The following GRHL2 variants were observed in gnomAD, a reference collection of about 807,000 sequenced individuals.
GRHL2 encodes the protein grainyhead like transcription factor 2, also known as grainyhead-like protein 2 homolog.
In GRHL2, 21 loss-of-function variants were observed where a neutral mutation model predicts 83.8. The ratio of observed to expected loss-of-function variants is 0.25; its 90% CI spans 0.18 to 0.36. The LOEUF is 0.36. Among genes scored for constraint, GRHL2 ranks in the 10% least tolerant of loss-of-function variants. The pLI, the probability that GRHL2 is intolerant of heterozygous loss-of-function variation, is 1.00. For missense variants in GRHL2, 623 were observed against 781.8 expected (o/e 0.80, Z 2.42); for synonymous variants, 280 against 278.9 (o/e 1.00, Z -0.04).
intron 14 of GRHL2, among the ~76,000 whole-genome samples, chr8:101,652,600 GGTGTGTGTGTGTGGT>G (rs1238104184): frequency 5.6e-5 from 4 of 71,610 alleles, no homozygotes; most frequent in African/African-American, 4.5e-4. Context: ...GTGTGTGTGT[GGTGTGTGTGTGTGGT>G]GTGTGTGTGT....
At chr8:101,589,146 G>A (rs558783560) in intron 7 of GRHL2, among the ~76,000 whole-genome samples, 1 of 152,318 alleles carries the variant, frequency 6.6e-6, no homozygotes, top group South Asian at 2.1e-4. Flanking sequence ...ACTGGCATAT[G>A]CTTGAGTAGT....
chr8:101,570,432 A>T, intron 5 of GRHL2, 38 bp downstream of exon 5: 2 of 1,496,624 alleles, frequency 1.3e-6, no homozygotes, highest in Non-Finnish European at 1.9e-6. Context: ...AAACTGATTA[A>T]CTGATAAACC....
chr8:101,653,817 A>G (rs1256484752), intron 14 of GRHL2, among the ~76,000 whole-genome samples: 1 of 152,144 alleles, frequency 6.6e-6, no homozygotes, highest in Non-Finnish European at 1.5e-5. Context: ...CTATAGGGGT[A>G]GGCCCGGGAA....
chr8:101,543,593 C>A lies in GRHL2; in HGVS notation c.216+157C>A, dbSNP rs1226343526. On this transcript the variant is annotated intron_variant, in intron 2 of 15. Transcript: ENST00000646743. The stretch of plus-strand genomic sequence containing the variant: ...CTCTTCCTGTTCTCCTTGCTCCCTG[C>A]TTCCCCATCTACAAAGCTCAACTTT... The A allele has an allele frequency of 4.2e-6, 3 of 719,748 alleles. No homozygotes were observed. The Admixed American group carries it at 6.1e-5, about 15-fold the overall frequency. 44.6% of individuals were successfully genotyped at this position (719,748 alleles called of 1,614,324 possible).
chr8:101,675,983 A>G, the GRHL2 span, among the ~76,000 whole-genome samples: 42 of 152,162 alleles, frequency 2.8e-4, no homozygotes, highest in Non-Finnish European at 1.3e-4. Context: ...TTAACAAATG[A>G]TGCTGGGAAA....
At chr8:101,498,815 C>T (rs536071159) in intron 1 of GRHL2, among the ~76,000 whole-genome samples, 1 of 152,128 alleles carries the variant, frequency 6.6e-6, no homozygotes, top group African/African-American at 2.4e-5. Flanking sequence ...GTGGCTCATG[C>T]CTGTAATCCT....
chr8:101,621,173 C>A (rs1432109502), intron 9 of GRHL2, among the ~76,000 whole-genome samples: 1 of 152,134 alleles, frequency 6.6e-6, no homozygotes, highest in Admixed American at 6.5e-5. Flanking sequence ...AAAGAAAAAG[C>A]AGTTGAATCC....
At chr8:101,641,198 T>G (rs1412638350) in intron 12 of GRHL2, among the ~76,000 whole-genome samples, 1 of 152,198 alleles carries the variant, frequency 6.6e-6, no homozygotes, top group Non-Finnish European at 1.5e-5. Context: ...AAAATCATTT[T>G]GGGCTAAGTT....
At chr8:101,511,460 G>A (rs917753883) in intron 1 of GRHL2, among the ~76,000 whole-genome samples, 2 of 152,100 alleles carry the variant, frequency 1.3e-5, no homozygotes, top group Non-Finnish European at 2.9e-5. Context: ...CTCAAGCGAC[G>A]CCTCAGGCTC....
At chr8:101,540,288 C>T (rs955985993) in intron 1 of GRHL2, among the ~76,000 whole-genome samples, 8 of 152,104 alleles carry the variant, frequency 5.3e-5, no homozygotes, top group African/African-American at 7.2e-5. Flanking sequence ...AGAAAGTGAA[C>T]GTTAGACATT....
At chr8:101,550,159 C>T (rs1811348723) in intron 2 of GRHL2, among the ~76,000 whole-genome samples, 1 of 131,784 alleles carries the variant, frequency 7.6e-6, no homozygotes, top group Admixed American at 7.8e-5. Context: ...ACTTTAAGTT[C>T]TGGGATACAT....
intron 1 of GRHL2, among the ~76,000 whole-genome samples, chr8:101,500,290 G>A (rs948465902): frequency 3.9e-5 from 6 of 152,108 alleles, no homozygotes; most frequent in East Asian, 1.9e-4. Flanking sequence ...ATGTACCTGG[G>A]AGTCCCTCAG....
In GRHL2 at chr8:101,632,359, C is replaced by G. The variant is rs750123218; in HGVS notation, c.1479C>G (p.Thr493=). Residue 493 remains threonine, a synonymous_variant, in exon 11 of 16, where the codon ACC becomes ACG. Coordinates refer to ENST00000646743, the MANE Select transcript of GRHL2 (RefSeq NM_024915.4). ...TTCACTTTGCAAACCTGCAGAGGAC[C>G]GGACAGGTATGACCTACCAGCTAAC... ...PDVHFANLQR[T]GQVYYNTDDE... The G allele has an allele frequency of 1.2e-6, 2 of 1,613,712 alleles. No homozygotes were observed. Among genetic ancestry groups the G allele is most frequent in the Non-Finnish European group, 8.5e-7 (1 of 1,179,812 alleles).
chr8:101,529,903 C>T (rs497026), intron 1 of GRHL2, among the ~76,000 whole-genome samples: 152,228 of 152,286 alleles, frequency 1, 76,085 homozygotes, highest in Non-Finnish European at 1. Flanking sequence ...GTTAGACACA[C>T]GAAAGGACTT....
At chr8:101,550,808 C>T (rs1811364863) in intron 2 of GRHL2, among the ~76,000 whole-genome samples, 1 of 152,214 alleles carries the variant, frequency 6.6e-6, no homozygotes. Flanking sequence ...TACCTTCTGT[C>T]TGTGAATTTG....
At chr8:101,500,491 T>A (rs924577270) in intron 1 of GRHL2, among the ~76,000 whole-genome samples, 1 of 152,164 alleles carries the variant, frequency 6.6e-6, no homozygotes, top group Non-Finnish European at 1.5e-5. Context: ...TGTATTATAA[T>A]AGGTAATAAC....
intron 1 of GRHL2, among the ~76,000 whole-genome samples, chr8:101,502,923 T>C (rs936379658): frequency 3.3e-5 from 5 of 152,154 alleles, no homozygotes; most frequent in African/African-American, 1.2e-4. Flanking sequence ...TCAAAAAATA[T>C]TGCCAAGTGA....
intron 13 of GRHL2, among the ~76,000 whole-genome samples, chr8:101,646,947 T>G (rs1813522541): frequency 6.6e-6 from 1 of 152,162 alleles, no homozygotes; most frequent in South Asian, 2.1e-4. Flanking sequence ...CCCTGCCTGG[T>G]GCCACTCCAA....
intron 8 of GRHL2, among the ~76,000 whole-genome samples, chr8:101,608,122 C>A (rs556406188): frequency 2.0e-5 from 3 of 152,310 alleles, no homozygotes; most frequent in South Asian, 4.1e-4. Context: ...GGCACTCTGC[C>A]AGGCAATCTA....
Sources: gnomAD v4.1 joint callset for allele counts (sites outside exome capture counted in the v4.1 genomes callset) on GRCh38, gnomAD v4.1.1 for gene constraint, MANE v1.5 for transcripts, NCBI Gene and HGNC (gene_info 2026-07-23, HGNC 2026-07-21) for gene names.